The following LAMP2 variants were observed in gnomAD, a reference collection of about 807,000 sequenced individuals.
The protein encoded by LAMP2 is lysosome associated membrane protein 2, also known as lysosome-associated membrane glycoprotein 2.
LAMP2 carries 4 observed loss-of-function variants against 25.6 expected under a neutral mutation model. The ratio of observed to expected loss-of-function variants is 0.16; its 90% confidence interval spans 0.08 to 0.36. LAMP2 has a LOEUF of 0.36. LAMP2 is among the 10% of genes least tolerant of loss of function. LAMP2 has a pLI of 1.00. For synonymous variants in LAMP2, 108 were observed against 112.7 expected, an observed-to-expected ratio of 0.96 and a Z score of 0.27; for missense variants, 272 against 301.4, an observed-to-expected ratio of 0.90 and a Z score of 0.72.
chrX:120,442,794 C>G, intron 6 of LAMP2, 132 bp from the exon 7 acceptor site: 1 of 542,082 alleles, frequency 1.8e-6, no homozygotes, highest in Non-Finnish European at 3.2e-6. Flanking sequence ...GTAGAATAAA[C>G]TGCAACTAAG....
intron 1 of LAMP2, among the ~76,000 whole-genome samples, chrX:120,459,385 C>T (rs769845940): frequency 6.2e-4 from 70 of 112,459 alleles, no homozygotes; most frequent in Non-Finnish European, 1.1e-3. Context: ...TTGTGCTAGG[C>T]TCTGCCTAAC....
intron 3 of LAMP2, among the ~76,000 whole-genome samples, chrX:120,453,306 T>TA (rs2058630199): frequency 8.9e-6 from 1 of 111,928 alleles, no homozygotes; most frequent in South Asian, 3.7e-4. Context: ...TACGTGAGCT[T>TA]ATTTACTTCT....
At chrX:120,444,599 C>G (rs1602533793) in intron 6 of LAMP2, among the ~76,000 whole-genome samples, 1 of 111,713 alleles carries the variant, frequency 9.0e-6, no homozygotes, top group Admixed American at 9.6e-5. Context: ...TCCTGCAGCA[C>G]TTTGTACTAT....
intron 5 of LAMP2, among the ~76,000 whole-genome samples, chrX:120,446,635 G>A (rs2058597584): frequency 9.0e-6 from 1 of 110,769 alleles, no homozygotes; most frequent in South Asian, 3.8e-4. Flanking sequence ...AAAACAAGAG[G>A]GAAGCTTCTA....
chrX:120,442,028 C>A, intron 7 of LAMP2, 134 bp from the exon 8 acceptor site: 1 of 539,542 alleles, frequency 1.9e-6, no homozygotes, highest in East Asian at 3.5e-5. Context: ...CACGTGAGCC[C>A]AGGAGATCAA....
chrX:120,463,504 A>G (rs1306306200), intron 1 of LAMP2, among the ~76,000 whole-genome samples: 3 of 111,590 alleles, frequency 2.7e-5, no homozygotes, highest in Non-Finnish European at 5.6e-5. Context: ...TATAAAGTAT[A>G]CTTTTGGGTC....
At chrX:120,463,055 T>C (rs749926305) in intron 1 of LAMP2, among the ~76,000 whole-genome samples, 1 of 112,277 alleles carries the variant, frequency 8.9e-6, no homozygotes, top group African/African-American at 3.2e-5. Flanking sequence ...AACTCATGAA[T>C]TTAGAATGAT....
At chrX:120,466,925 C>T (rs1423889134) in intron 1 of LAMP2, among the ~76,000 whole-genome samples, 6 of 108,662 alleles carry the variant, frequency 5.5e-5, no homozygotes, top group African/African-American at 2.0e-4. Context: ...TCACCGCAAC[C>T]TCCGCCTCCT....
chrX:120,434,946 T>C (rs905347798), intron 8 of LAMP2, among the ~76,000 whole-genome samples: 1 of 111,555 alleles, frequency 9.0e-6, no homozygotes, highest in Admixed American at 9.5e-5. Context: ...CTGGCCAACA[T>C]GGCAAAACCC....
At chrX:120,456,803 T>C (rs776353811) in intron 1 of LAMP2, 34 bp from the exon 2 acceptor site, 2 of 800,369 alleles carry the variant, frequency 2.5e-6, no homozygotes, top group Non-Finnish European at 3.7e-6. Flanking sequence ...ATTTTAAAAT[T>C]GTACTACAAA....
chrX:120,449,568 T>G (rs1422398716), intron 3 of LAMP2, among the ~76,000 whole-genome samples: 1 of 110,628 alleles, frequency 9.0e-6, no homozygotes, highest in South Asian at 3.8e-4. Context: ...TGAGCCAAGA[T>G]CGCCCACTGC....
intron 6 of LAMP2, among the ~76,000 whole-genome samples, chrX:120,445,619 T>C (rs2058592440): frequency 8.9e-6 from 1 of 112,316 alleles, no homozygotes; most frequent in Non-Finnish European, 1.9e-5. Context: ...TGTTCACACA[T>C]ACATCCCTTC....
At chrX:120,432,761 A>G (rs1190923607) in intron 8 of LAMP2, among the ~76,000 whole-genome samples, 1 of 111,181 alleles carries the variant, frequency 9.0e-6, no homozygotes, top group Non-Finnish European at 1.9e-5. Context: ...GGATACGTGG[A>G]AGAGAGAGAT....
chrX:120,458,828 T>G (rs1921206567), intron 1 of LAMP2, among the ~76,000 whole-genome samples: 1 of 111,225 alleles, frequency 9.0e-6, no homozygotes, highest in South Asian at 3.8e-4. Context: ...TTCTCTTAAA[T>G]ACAATCTTTG....
intron 8 of LAMP2, among the ~76,000 whole-genome samples, chrX:120,436,129 TACACACACAC>T (rs752616648): frequency 0.31 from 27,285 of 89,326 alleles, 3,111 homozygotes; most frequent in Middle Eastern, 0.41. Context: ...CAGGGGAGCT[TACACACACAC>T]ACACACACAC....
At chrX:120,449,684 G>A (rs1405440507) in intron 3 of LAMP2, among the ~76,000 whole-genome samples, 1 of 112,512 alleles carries the variant, frequency 8.9e-6, no homozygotes, top group Non-Finnish European at 1.9e-5. Context: ...AGTTGCAGGT[G>A]ATCATACTTT....
chrX:120,459,114 T>C (rs1213132279), intron 1 of LAMP2, among the ~76,000 whole-genome samples: 1 of 111,989 alleles, frequency 8.9e-6, no homozygotes, highest in Non-Finnish European at 1.9e-5. Context: ...CCAGTTAAAC[T>C]TGTTTCCACT....
Position 120,469,215 on chromosome X carries a change from C to G in LAMP2, c.-46G>C. 8.7e-7 allele frequency: 1 copy of G among 1,148,643 alleles called. No homozygotes were observed. Among genetic ancestry groups the G allele is most frequent in the Non-Finnish European group, 1.2e-6 (1 of 838,727 alleles). 94.7% of individuals were successfully genotyped at this position (1,148,643 alleles called of 1,213,427 possible). On this transcript the variant is annotated 5_prime_UTR_variant, in exon 1 of 9. Transcript: ENST00000200639. ...GACGGCGGCGACGGCGGCGGTACAA[C>G]AACAGCTGCAACACCAGGGAAAAGG...
At chrX:120,433,458 T>A (rs927875839) in intron 8 of LAMP2, among the ~76,000 whole-genome samples, 1 of 111,819 alleles carries the variant, frequency 8.9e-6, no homozygotes, top group Non-Finnish European at 1.9e-5. Flanking sequence ...CATTAGCAAT[T>A]GACAGAAGAT....
Sources: allele counts gnomAD v4.1 joint callset (sites outside exome capture counted in the v4.1 genomes callset), GRCh38; gene constraint gnomAD v4.1.1; transcripts MANE v1.5; gene names NCBI Gene and HGNC (gene_info 2026-07-23, HGNC 2026-07-21).